The following BABAM1 variants were observed in gnomAD, a reference collection of about 807,000 sequenced individuals.
BABAM1 encodes BRISC and BRCA1 A complex member 1.
BABAM1 carries 14 observed loss-of-function variants against 34.4 expected under a neutral mutation model. That is an observed-to-expected ratio of 0.41 (90% CI 0.27 to 0.64). The LOEUF is 0.64. Ranked by LOEUF, BABAM1 falls within the 30% of genes least tolerant of loss-of-function variation. BABAM1 has a pLI of 0.34. For synonymous variants in BABAM1, 169 were observed against 165.8 expected (o/e 1.02, Z -0.15); for missense variants, 393 against 434.0 (o/e 0.91, Z 0.84).
chr19:17,272,012 C>T (rs1238404131), intron 3 of BABAM1, among the ~76,000 whole-genome samples: 2 of 152,202 alleles, frequency 1.3e-5, no homozygotes, highest in Non-Finnish European at 2.9e-5. Context: ...ATGAGCTCAG[C>T]TCACTGCAAC....
At chr19:17,276,712 G>A (rs746164566) in intron 7 of BABAM1, 88 bp downstream of exon 7, 1 of 1,557,084 alleles carries the variant, frequency 6.4e-7, no homozygotes, top group African/African-American at 1.4e-5. Context: ...ACAGAGGCTG[G>A]GGTGCCTAGA....
intron 5 of BABAM1, chr19:17,274,448 A>C: frequency 1.3e-5 from 6 of 466,148 alleles, no homozygotes; most frequent in Non-Finnish European, 1.9e-5. Context: ...CATGCCTATA[A>C]TCCCAGCGAC....
intron 8 of BABAM1, 32 bp from the exon 9 acceptor site, chr19:17,278,813 C>G (rs1388940036): frequency 6.3e-7 from 1 of 1,584,938 alleles, no homozygotes; most frequent in Non-Finnish European, 8.6e-7. Flanking sequence ...TCTGCCTGAA[C>G]AGCCCTTCAC....
Position 17,268,888 on chromosome 19 carries a change from C to T in BABAM1, c.82C>T (p.Arg28Cys). 1.3e-6 allele frequency: 2 copies of T among 1,593,786 alleles called. No homozygotes were observed. The highest frequency in any genetic ancestry group is 1.7e-6 in the Non-Finnish European group (2 of 1,171,110). The change falls in exon 2 of 9, where the codon CGC becomes TGC. Residue 28 changes from arginine to cysteine, a missense_variant. By Grantham distance (180) the Arg-to-Cys change is radical. Coordinates refer to ENST00000598188, the MANE Select transcript of BABAM1 (RefSeq NM_014173.4). ...CTCGGCAGAGCCTCGGCCCCGCACTCGCTCCAATCCTGAAGGGGCTGAGGA... is the reference window on the plus strand; with the variant it reads ...CTCGGCAGAGCCTCGGCCCCGCACTTGCTCCAATCCTGAAGGGGCTGAGGA... ...EHSAEPRPRT[R>C]SNPEGAEDRA...
intron 2 of BABAM1, 116 bp downstream of exon 2, chr19:17,269,207 C>A: frequency 2.4e-6 from 3 of 1,253,288 alleles, no homozygotes; most frequent in Non-Finnish European, 3.2e-6. Flanking sequence ...TGCCACAAGT[C>A]ACCGTGGACT....
At chr19:17,276,164 T>C (rs2073905468) in intron 6 of BABAM1, among the ~76,000 whole-genome samples, 1 of 152,056 alleles carries the variant, frequency 6.6e-6, no homozygotes, top group Non-Finnish European at 1.5e-5. Flanking sequence ...CTGCCCAACA[T>C]GGTGAAACCG....
At chr19:17,270,727 G>A (rs1251311043) in intron 2 of BABAM1, among the ~76,000 whole-genome samples, 4 of 149,266 alleles carry the variant, frequency 2.7e-5, no homozygotes, top group Admixed American at 1.3e-4. Context: ...TCGCTCTGTC[G>A]CCCAGGCTGG....
chr19:17,268,588 C>T (rs531776361), intron 1 of BABAM1: 370 of 495,110 alleles, frequency 7.5e-4, no homozygotes, highest in Non-Finnish European at 1.1e-3. Flanking sequence ...CGCCACCACG[C>T]CCGGCTAATT....
chr19:17,276,909 G>A lies in BABAM1; in HGVS notation c.786G>A (p.Lys262=), dbSNP rs2073916150. 1.3e-6 allele frequency: 2 copies of A among 1,593,712 alleles called. No homozygotes were observed. Among genetic ancestry groups the A allele is most frequent in the Admixed American group, 1.8e-5 (1 of 56,670 alleles). Residue 262 remains lysine, a splice_region_variant and synonymous_variant, in exon 8 of 9, where the codon AAG becomes AAA. Coordinates refer to ENST00000598188, the MANE Select transcript of BABAM1 (RefSeq NM_014173.4). ...AGAAGGAGGAGGAGATGAGTTGGAAGGTGAGAGGCTGCAGCAGGTGTGAGT... is the reference window on the plus strand; with the variant it reads ...AGAAGGAGGAGGAGATGAGTTGGAAAGTGAGAGGCTGCAGCAGGTGTGAGT... ...TEEKEEEMSW[K]DMFAFMGSLD...
intron 3 of BABAM1, 49 bp downstream of exon 3, chr19:17,271,704 T>C (rs776102767): frequency 2.5e-5 from 39 of 1,585,448 alleles, no homozygotes; most frequent in Non-Finnish European, 3.1e-5. Flanking sequence ...GCAGGGAGGG[T>C]CCAGCCCAAA....
At chr19:17,268,425 A>G (rs2073794668) in intron 1 of BABAM1, 1 of 159,148 alleles carries the variant, frequency 6.3e-6, no homozygotes, top group Non-Finnish European at 1.3e-5. Context: ...TTAGTAACCA[A>G]TCTTTTTTTT....
Position 17,278,891 on chromosome 19 carries a change from A to G in BABAM1, c.833A>G (p.Tyr278Cys), listed in dbSNP as rs767310034. The stretch of plus-strand genomic sequence containing the variant: ...AGCCTGGATACCAAGGGTACCAGCT[A>G]CAAGTATGAGGTGGCACTGGCTGGG... ...MGSLDTKGTS[Y>C]KYEVALAGPA... Residue 278 changes from tyrosine (Y) to cysteine (C), a missense_variant, in exon 9 of 9, where the codon TAC becomes TGC. Coordinates refer to ENST00000598188, the MANE Select transcript of BABAM1 (RefSeq NM_014173.4). 107 of 1,613,518 alleles carry G rather than the reference A, an allele frequency of 6.6e-5. No homozygotes were observed. Among genetic ancestry groups the G allele is most frequent in the Non-Finnish European group, 8.6e-5 (102 of 1,179,820 alleles).
At chr19:17,278,704 T>G in intron 8 of BABAM1, 141 bp from the exon 9 acceptor site, 2 of 757,756 alleles carry the variant, frequency 2.6e-6, no homozygotes, top group Non-Finnish European at 4.3e-6. Context: ...TGTGAATGGT[T>G]TCTGCTTGGC....
In BABAM1 at chr19:17,278,876, C is replaced by T. The variant is rs373773740; in HGVS notation, c.818C>T (p.Thr273Ile). The T allele has an allele frequency of 3.7e-6, 6 of 1,613,498 alleles. No individual in the cohort carries two copies. Among genetic ancestry groups the T allele is most frequent in the Non-Finnish European group, 5.1e-6 (6 of 1,179,790 alleles). ...DMFAFMGSLDTKGTSYKYEVA... is the reference protein window; with the variant it reads ...DMFAFMGSLDIKGTSYKYEVA... ...TTTGCCTTCATGGGCAGCCTGGATA[C>T]CAAGGGTACCAGCTACAAGTATGAG... The change falls in exon 9 of 9, where the codon ACC (threonine) becomes ATC (isoleucine). Residue 273 changes from threonine to isoleucine, a missense_variant. By Grantham distance (89) the Thr-to-Ile change is moderately conservative. Transcript: ENST00000598188.
chr19:17,272,567 G>A (rs1005772602), intron 3 of BABAM1, among the ~76,000 whole-genome samples: 3 of 151,716 alleles, frequency 2.0e-5, no homozygotes, highest in African/African-American at 7.2e-5. Flanking sequence ...ACCACGCCTG[G>A]CTAATTTTTT....
intron 5 of BABAM1, 61 bp downstream of exon 5, chr19:17,274,246 G>A: frequency 3.8e-6 from 6 of 1,583,152 alleles, no homozygotes; most frequent in Non-Finnish European, 5.2e-6. Flanking sequence ...CATCCTTGGG[G>A]CCCAGGAAAG....
intron 8 of BABAM1, among the ~76,000 whole-genome samples, chr19:17,277,909 G>T (rs1315071751): frequency 6.6e-6 from 1 of 151,116 alleles, no homozygotes; most frequent in Non-Finnish European, 1.5e-5. Context: ...AGGTGTGGTG[G>T]CTCACACCTG....
chr19:17,276,586 C>T lies in BABAM1; in HGVS notation c.661C>T (p.Pro221Ser). The T allele has an allele frequency of 6.2e-7, 1 of 1,606,602 alleles. No homozygotes were observed. Among genetic ancestry groups the T allele is most frequent in the Non-Finnish European group, 8.5e-7 (1 of 1,176,724 alleles). ...VRTILVYSRP[P>S]CQPQFSLTEP... is the part of the protein sequence containing the mutation. ...CACCATCCTTGTCTACAGCCGTCCA[C>T]CTTGCCAGCCCCAGTTCTCCTTGAC... Residue 221 changes from proline to serine, a missense_variant, in exon 7 of 9, where the codon CCT becomes TCT. Pro to Ser is a moderately conservative substitution (Grantham distance 74, BLOSUM62 -1). Transcript: ENST00000598188.
At position 17,271,210 on chromosome 19, in the gene BABAM1, A is replaced by G. The variant is rs1010851229; in HGVS notation, c.286-387A>G. Among the ~76,000 whole-genome samples the G allele has an allele frequency of 3.3e-5, 5 of 151,820 alleles. No homozygotes were observed. The East Asian group carries it at 5.8e-4, about 18-fold the overall frequency. On this transcript the variant is annotated intron_variant, in intron 2 of 8. Transcript: ENST00000598188. ...TCACCATGTTGGCCAGGCTGGTCTC[A>G]AACTCCTGACCTGAAGTGATCCACC...
Sources: allele counts gnomAD v4.1 joint callset (sites outside exome capture counted in the v4.1 genomes callset), GRCh38; gene constraint gnomAD v4.1.1; transcripts MANE v1.5; gene names NCBI Gene and HGNC (gene_info 2026-07-23, HGNC 2026-07-21).